The following PCCB variants were observed in gnomAD, a reference collection of about 807,000 sequenced individuals.
PCCB encodes the protein propionyl-CoA carboxylase beta chain, mitochondrial.
A neutral mutation model predicts 60.7 loss-of-function variants in PCCB; 43 were observed. The observed-to-expected ratio is 0.71, with a 90% CI of 0.55 to 0.91. The LOEUF (loss-of-function observed/expected upper bound fraction) is 0.91, where lower values mean the gene tolerates loss of function less well. Ranked by LOEUF, PCCB falls within the 40% of genes least tolerant of loss-of-function variation. The pLI is 0.00. For missense variants in PCCB, 766 were observed against 702.8 expected, an observed-to-expected ratio of 1.09 and a Z score of -1.02; for synonymous variants, 276 against 255.9, an observed-to-expected ratio of 1.08 and a Z score of -0.75.
At position 136,277,844 on chromosome 3, in the gene PCCB, C is replaced by T. The variant is rs149085952; in HGVS notation, c.544-5993C>T. On this transcript the variant is annotated intron_variant, in intron 5 of 14. Transcript: ENST00000251654. The stretch of plus-strand genomic sequence containing the variant: ...ACCTGCCCCAGGCCATAAGCTTTCC[C>T]TGTGGGAAAGCAGCTGTGGCTTTCA... 3.2e-4 allele frequency among the ~76,000 whole-genome samples: 48 copies of T among 152,248 alleles called. No individual in the cohort carries two copies. The East Asian group carries it at 8.5e-3, about 27-fold the overall frequency.
chr3:136,310,705 T>G (rs1467052545), intron 9 of PCCB, among the ~76,000 whole-genome samples: 1 of 152,198 alleles, frequency 6.6e-6, no homozygotes, highest in East Asian at 1.9e-4. Flanking sequence ...AGGTAGTACT[T>G]AAGATTTCAG....
intron 6 of PCCB, among the ~76,000 whole-genome samples, chr3:136,287,390 A>G (rs140234587): frequency 2.3e-4 from 35 of 149,856 alleles, no homozygotes; most frequent in African/African-American, 8.4e-4. Context: ...ATAGCTGTGT[A>G]GTAAGTGTGT....
chr3:136,328,728 A>C, intron 13 of PCCB, 30 bp from the exon 14 acceptor site: 1 of 1,573,764 alleles, frequency 6.4e-7, no homozygotes, highest in South Asian at 1.1e-5. Flanking sequence ...TGGGACGACC[A>C]AAGATGTTCA....
chr3:136,323,033 T>G (rs1935164565), intron 10 of PCCB, among the ~76,000 whole-genome samples: 1 of 150,722 alleles, frequency 6.6e-6, no homozygotes, highest in South Asian at 2.1e-4. Context: ...TTTAAGATTC[T>G]CTTTTGTCTT....
chr3:136,251,209 G>T (rs868460022), intron 1 of PCCB: 21 of 456,436 alleles, frequency 4.6e-5, no homozygotes, highest in Middle Eastern at 6.5e-4. Context: ...CTGAGCAGTT[G>T]AAACACTGCC....
intron 6 of PCCB, among the ~76,000 whole-genome samples, chr3:136,291,542 C>G (rs2108193868): frequency 6.6e-6 from 1 of 151,142 alleles, no homozygotes; most frequent in Non-Finnish European, 1.5e-5. Flanking sequence ...GCCTGTGCCT[C>G]TGAACTATGA....
At position 136,282,697 on chromosome 3, in the gene PCCB, T is replaced by C. The variant is rs907205608; in HGVS notation, c.544-1140T>C. On this transcript the variant is annotated intron_variant, in intron 5 of 14. Coordinates refer to ENST00000251654, the MANE Select transcript of PCCB (RefSeq NM_000532.5). ...TATTAAGAAAAGAGAACTATACTTA[T>C]GCAGTGTTTATAATCACATATTTAT... Among the ~76,000 whole-genome samples the C allele has an allele frequency of 7.2e-5, 11 of 152,334 alleles. No individual in the cohort carries two copies. In the East Asian group the frequency reaches 9.6e-4, roughly 13 times the overall value.
At chr3:136,253,430 G>C (rs989676621) in intron 1 of PCCB, among the ~76,000 whole-genome samples, 1 of 151,850 alleles carries the variant, frequency 6.6e-6, no homozygotes, top group African/African-American at 2.4e-5. Flanking sequence ...TGTTGCTCAG[G>C]CTGGAGTGCG....
At chr3:136,329,498 A>G (rs758729586) in intron 14 of PCCB, among the ~76,000 whole-genome samples, 6 of 152,230 alleles carry the variant, frequency 3.9e-5, no homozygotes, top group Non-Finnish European at 7.3e-5. Flanking sequence ...AGGTTAAGCG[A>G]AGGAATACAA....
intron 5 of PCCB, among the ~76,000 whole-genome samples, chr3:136,266,840 G>A (rs1322822097): frequency 6.6e-6 from 1 of 151,922 alleles, no homozygotes; most frequent in Non-Finnish European, 1.5e-5. Flanking sequence ...TTTTCTCCCA[G>A]TCTGTGGCTT....
At chr3:136,299,935 T>C (rs571359763) in intron 8 of PCCB, among the ~76,000 whole-genome samples, 1 of 152,088 alleles carries the variant, frequency 6.6e-6, no homozygotes, top group East Asian at 1.9e-4. Context: ...TATGTATATG[T>C]ATACGCATAT....
At chr3:136,296,670 C>G (rs146414786) in intron 7 of PCCB, among the ~76,000 whole-genome samples, 204 of 152,324 alleles carry the variant, frequency 1.3e-3, no homozygotes, top group Non-Finnish European at 2.5e-3. Flanking sequence ...CTGACAGACT[C>G]TCTTCCAAAG....
chr3:136,266,113 C>T (rs1193327714), intron 5 of PCCB, among the ~76,000 whole-genome samples: 1 of 151,176 alleles, frequency 6.6e-6, no homozygotes, highest in African/African-American at 2.4e-5. Flanking sequence ...GTGTGAGCCA[C>T]CACCATGCCC....
At chr3:136,288,619 C>T (rs1457439594) in intron 6 of PCCB, among the ~76,000 whole-genome samples, 4 of 150,660 alleles carry the variant, frequency 2.7e-5, no homozygotes, top group South Asian at 2.1e-4. Flanking sequence ...GCTGGGATTA[C>T]GGGTATAAGC....
At chr3:136,281,901 A>G (rs570621) in intron 5 of PCCB, among the ~76,000 whole-genome samples, 56,196 of 151,986 alleles carry the variant, frequency 0.37, 12,830 homozygotes, top group East Asian at 0.81. Flanking sequence ...TTAACCAGCA[A>G]TCTGACAGTA....
At chr3:136,294,437 G>A (rs1472739219) in intron 7 of PCCB, among the ~76,000 whole-genome samples, 1 of 150,486 alleles carries the variant, frequency 6.6e-6, no homozygotes, top group Non-Finnish European at 1.5e-5. Flanking sequence ...ACAGACTCTT[G>A]GGTAGCTAGG....
intron 5 of PCCB, among the ~76,000 whole-genome samples, chr3:136,264,961 C>T (rs561557272): frequency 2.0e-5 from 3 of 151,436 alleles, no homozygotes; most frequent in Admixed American, 6.6e-5. Context: ...TTTGGGAGGC[C>T]GAGGTGGGTG....
intron 5 of PCCB, among the ~76,000 whole-genome samples, chr3:136,266,686 T>G (rs1941992257): frequency 6.6e-6 from 1 of 152,252 alleles, no homozygotes; most frequent in East Asian, 1.9e-4. Flanking sequence ...AGCATCTTTA[T>G]GTACATATTA....
chr3:136,250,639 G>A (rs1442419318), intron 1 of PCCB, 81 bp downstream of exon 1: 4 of 1,388,428 alleles, frequency 2.9e-6, no homozygotes, highest in Admixed American at 4.5e-5. Context: ...GGCGTCCGAG[G>A]CCTCCCTGCC....
Sources: gnomAD v4.1 joint callset for allele counts (sites outside exome capture counted in the v4.1 genomes callset) on GRCh38, gnomAD v4.1.1 for gene constraint, MANE v1.5 for transcripts, NCBI Gene and HGNC (gene_info 2026-07-23, HGNC 2026-07-21) for gene names.